Variants in MACO1 observed in about 807,000 individuals in gnomAD.
The protein encoded by MACO1 is macoilin.
A neutral mutation model predicts 78.7 loss-of-function variants in MACO1; 14 were observed. The observed-to-expected ratio is 0.18, with a 90% CI of 0.12 to 0.28. The LOEUF (loss-of-function observed/expected upper bound fraction) is 0.28. MACO1 is among the 10% of genes least tolerant of loss of function. The probability of loss-of-function intolerance (pLI) is 1.00; values close to 1 mark genes in which losing one functional copy is unlikely to be tolerated. For missense variants in MACO1, 501 were observed against 799.0 expected (o/e 0.63, Z 4.50); for synonymous variants, 288 against 291.6 (o/e 0.99, Z 0.12).
At chr1:25,445,775 C>A (rs1019943189) in intron 1 of MACO1, among the ~76,000 whole-genome samples, 11 of 152,004 alleles carry the variant, frequency 7.2e-5, no homozygotes, top group Admixed American at 6.5e-5. Flanking sequence ...AAGGCTTTAT[C>A]CCAAATGAAA....
intron 4 of MACO1, 81 bp downstream of exon 4, chr1:25,454,463 TG>T: frequency 4.8e-6 from 1 of 206,682 alleles, no homozygotes; most frequent in Non-Finnish European, 6.9e-6. Context: ...TGTGTGTGTG[TG>T]TGTGTGTATA....
chr1:25,484,371 C>T, intron 7 of MACO1, 97 bp downstream of exon 7: 1 of 1,256,400 alleles, frequency 8.0e-7, no homozygotes, highest in Non-Finnish European at 1.1e-6. Flanking sequence ...GTGACAGAGA[C>T]CTGCTGAGAG....
chr1:25,484,415 A>C (rs558364137), intron 7 of MACO1, 141 bp downstream of exon 7: 1 of 750,634 alleles, frequency 1.3e-6, no homozygotes, highest in South Asian at 3.6e-5. Context: ...TACTTTATTT[A>C]GTACCAGATA....
chr1:25,448,647 A>G (rs1037939209), intron 2 of MACO1, among the ~76,000 whole-genome samples, 161 bp from the exon 3 acceptor site: 8 of 152,190 alleles, frequency 5.3e-5, no homozygotes, highest in Admixed American at 3.9e-4. Context: ...TATATGGTTG[A>G]TTTTAAATGT....
intron 5 of MACO1, 42 bp downstream of exon 5, chr1:25,456,873 A>G: frequency 1.3e-6 from 2 of 1,536,632 alleles, no homozygotes; most frequent in Non-Finnish European, 8.7e-7. Flanking sequence ...TAGGCTAGTC[A>G]TTATTTTGTC....
At chr1:25,457,332 A>G (rs34997029) in intron 5 of MACO1, among the ~76,000 whole-genome samples, 76,566 of 151,860 alleles carry the variant, frequency 0.5, 19,680 homozygotes, top group East Asian at 0.73. Context: ...GGCTAGTCTC[A>G]AACTCCTGAT....
intron 1 of MACO1, among the ~76,000 whole-genome samples, chr1:25,441,016 T>C (rs1264557056): frequency 6.6e-6 from 1 of 152,166 alleles, no homozygotes; most frequent in Non-Finnish European, 1.5e-5. Flanking sequence ...AGGTTCATGG[T>C]AATCGTTCAG....
chr1:25,485,856 T>C lies in MACO1; in HGVS notation c.1496+61T>C. 6.5e-7 allele frequency: 1 copy of C among 1,546,234 alleles called. No individual in the cohort carries two copies. On this transcript the variant is annotated intron_variant, in intron 8 of 10. Coordinates refer to ENST00000374343, the MANE Select transcript of MACO1 (RefSeq NM_018202.6). The surrounding 1 kb of genome is among the most constrained non-coding windows in gnomAD (Gnocchi z 4.3). Reference sequence around the variant, plus strand: ...TGGCTTTCCTTTACCAACAAAGACATGGGAATTTGGTGCCTTGGGCAGGAT... The same window carrying C: ...TGGCTTTCCTTTACCAACAAAGACACGGGAATTTGGTGCCTTGGGCAGGAT...
At chr1:25,450,462 T>C (rs943073601) in intron 3 of MACO1, among the ~76,000 whole-genome samples, 2 of 152,154 alleles carry the variant, frequency 1.3e-5, no homozygotes, top group Non-Finnish European at 2.9e-5. Context: ...GTCAAATTTG[T>C]CTGCAAAGCT....
chr1:25,449,751 G>A (rs999283416), intron 3 of MACO1, among the ~76,000 whole-genome samples: 1 of 152,176 alleles, frequency 6.6e-6, no homozygotes, highest in Non-Finnish European at 1.5e-5. Context: ...AGGCGCAGTG[G>A]CTCACGCCTG....
At chr1:25,441,252 A>G (rs2042969531) in intron 1 of MACO1, among the ~76,000 whole-genome samples, 1 of 151,508 alleles carries the variant, frequency 6.6e-6, no homozygotes, top group African/African-American at 2.4e-5. Flanking sequence ...GCTCAGTGGT[A>G]TGATCTCGGC....
At chr1:25,451,978 C>T (rs2043071059) in intron 3 of MACO1, among the ~76,000 whole-genome samples, 1 of 150,308 alleles carries the variant, frequency 6.7e-6, no homozygotes, top group African/African-American at 2.4e-5. Flanking sequence ...AAAAAAAGTA[C>T]CTATTTTTGA....
At chr1:25,467,865 C>G (rs1319924573) in intron 6 of MACO1, among the ~76,000 whole-genome samples, 2 of 151,868 alleles carry the variant, frequency 1.3e-5, no homozygotes, top group Admixed American at 6.6e-5. Context: ...TGTGGGTGAC[C>G]AAGCTAGGGT....
At chr1:25,454,157 G>T in intron 3 of MACO1, 102 bp from the exon 4 acceptor site, 1 of 1,311,042 alleles carries the variant, frequency 7.6e-7, no homozygotes, top group Non-Finnish European at 9.9e-7. Flanking sequence ...TTAGGTGAAG[G>T]TCTTAATGAA....
intron 5 of MACO1, 122 bp downstream of exon 5, chr1:25,456,953 C>T (rs1571964163): frequency 1.0e-6 from 1 of 953,040 alleles, no homozygotes; most frequent in East Asian, 2.8e-5. Flanking sequence ...GGTGTTCCTC[C>T]TCAGGGTCAT....
chr1:25,459,319 T>G (rs2043151257), intron 6 of MACO1, among the ~76,000 whole-genome samples: 1 of 152,262 alleles, frequency 6.6e-6, no homozygotes, highest in South Asian at 2.1e-4. Context: ...TACTTTGTGC[T>G]TGTTTTGTTT....
chr1:25,463,540 T>C (rs571563534), intron 6 of MACO1, among the ~76,000 whole-genome samples: 1 of 152,344 alleles, frequency 6.6e-6, no homozygotes, highest in East Asian at 1.9e-4. Context: ...CAAAAATGGT[T>C]TTGATTCCAA....
At chr1:25,446,713 G>GT in intron 1 of MACO1, 49 bp from the exon 2 acceptor site, 1 of 1,500,718 alleles carries the variant, frequency 6.7e-7, no homozygotes, top group Non-Finnish European at 8.9e-7. Flanking sequence ...TCTATTTCTA[G>GT]TTATTCACAA....
rs1464118580 is a variant in MACO1, at chr1:25,463,768, T to A, written c.1154+4876T>A. ...CCCACAATCATGATACAAATTGCTG[T>A]TAAAATTTTGTTGTCTTCTCTTAGG... On this transcript the variant is annotated intron_variant, in intron 6 of 10. Transcript: ENST00000374343. Among the ~76,000 whole-genome samples, 17 of 152,378 alleles carry A rather than the reference T, an allele frequency of 1.1e-4. No individual in the cohort carries two copies. In the East Asian group the frequency reaches 1.7e-3, roughly 16 times the overall value.
Sources: gnomAD v4.1 joint callset for allele counts (sites outside exome capture counted in the v4.1 genomes callset) on GRCh38, gnomAD v4.1.1 for gene constraint, Gnocchi (gnomAD v3.1) non-coding constraint, MANE v1.5 for transcripts, NCBI Gene and HGNC (gene_info 2026-07-23, HGNC 2026-07-21) for gene names.